FSCN2: variants seen among roughly 807,000 people sequenced by gnomAD.
The protein encoded by FSCN2 is fascin-2.
In FSCN2, 46 loss-of-function variants were observed where a neutral mutation model predicts 37.8. The observed-to-expected ratio is 1.22, with a 90% CI of 0.96 to 1.56. The LOEUF is 1.56. Among genes scored for constraint, FSCN2 ranks in the 40% most tolerant of loss-of-function variants. FSCN2 has a pLI of 0.00. For synonymous variants in FSCN2, 351 were observed against 309.4 expected (o/e 1.13, Z -1.41); for missense variants, 844 against 730.4 (o/e 1.16, Z -1.79).
At position 81,536,639 on chromosome 17, in the gene FSCN2, A is replaced by T; in HGVS notation, c.1123A>T (p.Thr375Ser). The T allele has an allele frequency of 6.2e-7, 1 of 1,610,336 alleles. No homozygotes were observed. Among genetic ancestry groups the T allele is most frequent in the Non-Finnish European group, 8.5e-7 (1 of 1,179,636 alleles). ...CCCGCCAGGCAAGGACGAAGAGTTC[A>T]CCCTCAAGCTCATCAACCGGCCCAT... ...SDFVGKDEEFTLKLINRPILV... is the reference protein window; with the variant it reads ...SDFVGKDEEFSLKLINRPILV... The change falls in exon 4 of 5, where the codon ACC (threonine) becomes TCC (serine). Residue 375 changes from threonine to serine, a missense_variant. Physicochemically the swap from Thr to Ser is moderately conservative, Grantham distance 58 (BLOSUM62 1). Transcript: ENST00000417245.
At chr17:81,530,761 G>A (rs1280981208) in intron 1 of FSCN2, 7 of 344,256 alleles carry the variant, frequency 2.0e-5, no homozygotes, top group Non-Finnish European at 3.9e-5. Context: ...ATGGCTATGG[G>A]GTCCTGCACC....
At chr17:81,521,104 G>A in the FSCN2 span, among the ~76,000 whole-genome samples, 21 of 151,808 alleles carry the variant, frequency 1.4e-4, no homozygotes, top group Non-Finnish European at 2.6e-4. Context: ...TTTCACTCTT[G>A]TTGCCCAGGC....
chr17:81,523,320 GA>G, the FSCN2 span, among the ~76,000 whole-genome samples: 1 of 152,186 alleles, frequency 6.6e-6, no homozygotes, highest in Non-Finnish European at 1.5e-5. Flanking sequence ...CTGCCTTGCC[GA>G]TGGAGCCTGT....
the FSCN2 span, among the ~76,000 whole-genome samples, chr17:81,522,570 C>G: frequency 1.3e-5 from 2 of 152,284 alleles, no homozygotes; most frequent in Non-Finnish European, 2.9e-5. Context: ...ACACCTGGCA[C>G]TCCCTAAGTG....
In FSCN2 at chr17:81,537,106, G is replaced by A. The variant is rs920137949; in HGVS notation, c.*26G>A. Reference sequence around the variant, plus strand: ...GGCCGCGCCCAGACCAGCCTGTCGCGCATTAAAACCGTGTCTCTCCCGCAG... The same window carrying A: ...GGCCGCGCCCAGACCAGCCTGTCGCACATTAAAACCGTGTCTCTCCCGCAG... On this transcript the variant is annotated 3_prime_UTR_variant, in exon 5 of 5. Coordinates refer to ENST00000417245, the MANE Select transcript of FSCN2 (RefSeq NM_012418.4). The A allele has an allele frequency of 9.4e-6, 13 of 1,383,548 alleles. No individual in the cohort carries two copies. The East Asian group carries it at 1.8e-4, about 19-fold the overall frequency. The allele number at this position is 1,383,548 out of a possible 1,614,324, so 85.7% of individuals were successfully genotyped here. A position where few individuals can be genotyped will look rare whatever the true frequency, so the allele number is the denominator to read the frequency against.
At chr17:81,529,577 G>A in intron 1 of FSCN2, 1 of 754,932 alleles carries the variant, frequency 1.3e-6, no homozygotes, top group Non-Finnish European at 2.4e-6. Flanking sequence ...GGTGGCTTCA[G>A]GGTCAGAGGC....
rs1458247735 is a variant in FSCN2 at position 81,531,797 on chromosome 17, G to A, written c.826+2440G>A. Among the ~76,000 whole-genome samples the A allele has an allele frequency of 2.1e-4, 16 of 76,624 alleles. No homozygotes were observed. The East Asian group carries it at 7.2e-3, about 35-fold the overall frequency. 50.3% of individuals were successfully genotyped at this position (76,624 alleles called of 152,430 possible). Reference sequence around the variant, plus strand: ...TAGTGATGGTGATGATGGTGATGATGATAATGGTGATGATGGTGGTGGTGA... The same window carrying A: ...TAGTGATGGTGATGATGGTGATGATAATAATGGTGATGATGGTGGTGGTGA... On this transcript the variant is annotated intron_variant, in intron 1 of 4. Transcript: ENST00000417245.
the FSCN2 span, chr17:81,519,168 G>A: frequency 1.3e-5 from 2 of 152,266 alleles, no homozygotes; most frequent in Non-Finnish European, 2.9e-5. Context: ...GCGGGGTCGC[G>A]GCGGTCCAGC....
At chr17:81,536,838 A>C in intron 4 of FSCN2, 37 bp from the exon 5 acceptor site, 2 of 1,550,514 alleles carry the variant, frequency 1.3e-6, no homozygotes, top group Non-Finnish European at 1.7e-6. Flanking sequence ...GGCAGCGGGC[A>C]GGTGGGCACC....
At chr17:81,515,652 G>C in the FSCN2 span, among the ~76,000 whole-genome samples, 2,545 of 152,320 alleles carry the variant, frequency 0.017, 75 homozygotes, top group African/African-American at 0.058. Flanking sequence ...TCCTTGCCCT[G>C]TTCCTCCCTC....
chr17:81,523,988 G>A (rs1235309751), upstream of FSCN2: 1 of 152,340 alleles, frequency 6.6e-6, no homozygotes, highest in Non-Finnish European at 1.5e-5. Flanking sequence ...AAGCATCCAG[G>A]ATCAGTGGTC....
rs782489089 is a variant in FSCN2 at position 81,528,980 on chromosome 17, G to A, written c.449G>A (p.Arg150His). ...CACCTGCTGAGCGTGAGCCGGCGGC[G>A]CTACGTGCACCTGTGCCCGCGGGAG... ...QAHLLSVSRR[R>H]YVHLCPREDE... The change falls in exon 1 of 5, where the codon CGC becomes CAC. Residue 150 changes from arginine (R) to histidine (H), a missense_variant. Transcript: ENST00000417245. The A allele has an allele frequency of 1.5e-5, 23 of 1,585,702 alleles. No individual in the cohort carries two copies. The Admixed American group carries it at 1.6e-4, about 11-fold the overall frequency.
intron 1 of FSCN2, chr17:81,530,027 G>A (rs1173122805): frequency 3.7e-6 from 1 of 273,926 alleles, no homozygotes; most frequent in African/African-American, 2.3e-5. Flanking sequence ...AGCCAGGATG[G>A]TCTTGATCTC....
At chr17:81,515,525 T>G in the FSCN2 span, among the ~76,000 whole-genome samples, 1 of 152,366 alleles carries the variant, frequency 6.6e-6, no homozygotes, top group South Asian at 2.1e-4. Flanking sequence ...TGTTATGTCT[T>G]ATTTTAGTTT....
At chr17:81,536,525 T>C (rs1444385523) in intron 3 of FSCN2, 97 bp from the exon 4 acceptor site, 1 of 1,559,042 alleles carries the variant, frequency 6.4e-7, no homozygotes, top group Non-Finnish European at 8.6e-7. Flanking sequence ...CCTGGGTCCC[T>C]AAGTCCAGGT....
At chr17:81,529,919 C>G in intron 1 of FSCN2, among the ~76,000 whole-genome samples, 1 of 152,274 alleles carries the variant, frequency 6.6e-6, no homozygotes, top group East Asian at 1.9e-4. Context: ...ACGCCATTCT[C>G]CTGCCTCAGC....
At chr17:81,524,710 G>A (rs1598564355), upstream of FSCN2, among the ~76,000 whole-genome samples, 1 of 151,412 alleles carries the variant, frequency 6.6e-6, no homozygotes, top group Non-Finnish European at 1.5e-5. Context: ...AGTTGTGTAT[G>A]TCTGGAGTAT....
At position 81,531,270 on chromosome 17, in the gene FSCN2, ATGGCGG is replaced by A. The variant is rs782698834; in HGVS notation, c.826+1917_826+1922del. Among the ~76,000 whole-genome samples the A allele has an allele frequency of 2.7e-4, 8 of 29,162 alleles. 1 individual carries two copies. Among genetic ancestry groups the A allele is most frequent in the East Asian group, 1.1e-3 (1 of 918 alleles). The allele number at this position is 29,162 out of a possible 152,430, so 19.1% of individuals were successfully genotyped here. ...GATGGTGATGGTGATGATGGTGGTG[ATGGCGG>A]TGGTGATGGTGATGGTGGTGATGGT... is the stretch of plus-strand genomic sequence containing the variant. On this transcript the variant is annotated intron_variant, in intron 1 of 4. Coordinates refer to ENST00000417245, the MANE Select transcript of FSCN2 (RefSeq NM_012418.4).
upstream of FSCN2, among the ~76,000 whole-genome samples, chr17:81,526,161 T>C (rs2032343629): frequency 6.6e-6 from 1 of 152,178 alleles, no homozygotes; most frequent in African/African-American, 2.4e-5. Context: ...CAGACAGCGC[T>C]AATGAGGCCG....
Sources: allele counts gnomAD v4.1 joint callset (sites outside exome capture counted in the v4.1 genomes callset), GRCh38; gene constraint gnomAD v4.1.1; transcripts MANE v1.5; gene names NCBI Gene and HGNC (gene_info 2026-07-23, HGNC 2026-07-21).